Variants in RBFOX1 observed in about 807,000 individuals in gnomAD.
The protein encoded by RBFOX1 is RNA binding fox-1 homolog 1.
RBFOX1 carries 8 observed loss-of-function variants against 57.7 expected under a neutral mutation model. That is an observed-to-expected ratio of 0.14 (90% CI 0.08 to 0.25). The LOEUF is 0.25. Ranked by LOEUF, RBFOX1 falls within the 10% of genes least tolerant of loss-of-function variation. The pLI is 1.00. For missense variants in RBFOX1, 611 were observed against 548.5 expected (o/e 1.11, Z -1.14); for synonymous variants, 326 against 222.4 (o/e 1.47, Z -4.15).
At chr16:5,885,371 A>G (rs1371580582) in intron 4 of RBFOX1, among the ~76,000 whole-genome samples, 1 of 152,002 alleles carries the variant, frequency 6.6e-6, no homozygotes, top group African/African-American at 2.4e-5. Context: ...CCCTTAAATC[A>G]TCCAATCTGC....
At chr16:5,875,843 C>A (rs922411393) in intron 4 of RBFOX1, among the ~76,000 whole-genome samples, 11 of 148,798 alleles carry the variant, frequency 7.4e-5, no homozygotes, top group Middle Eastern at 3.5e-3. Context: ...TAGAAGAATC[C>A]CACTTTTTTT....
chr16:7,539,118 G>A (rs6500980), intron 5 of RBFOX1, among the ~76,000 whole-genome samples: 143,765 of 152,228 alleles, frequency 0.94, 68,190 homozygotes, highest in Middle Eastern at 0.98. Context: ...AAGGAGAGGG[G>A]AAAAGACTCC....
chr16:7,224,740 G>C (rs1187461506), intron 4 of RBFOX1, among the ~76,000 whole-genome samples: 2 of 152,172 alleles, frequency 1.3e-5, no homozygotes, highest in Non-Finnish European at 2.9e-5. Context: ...GTCATTTTAT[G>C]GTTCTCCTGA....
At position 5,920,911 on chromosome 16, in the gene RBFOX1, C is replaced by T. The variant is rs763808877; in HGVS notation, c.351+53576C>T. Among the ~76,000 whole-genome samples the T allele has an allele frequency of 2.6e-4, 25 of 95,510 alleles. No individual in the cohort carries two copies. The Middle Eastern group carries it at 0.013, about 51-fold the overall frequency. The allele number at this position is 95,510 out of a possible 152,430, so 62.7% of individuals were successfully genotyped here. ...TGCCCAATGGAGTTGTCTATTTGTA[C>T]GTGCAGTGGTGGGATGTGAACATGT... On this transcript the variant is annotated intron_variant, in intron 4 of 19. Transcript: ENST00000641259.
intron 1 of RBFOX1, among the ~76,000 whole-genome samples, chr16:5,367,099 C>T (rs767906896): frequency 1.9e-4 from 27 of 145,902 alleles, no homozygotes; most frequent in Non-Finnish European, 3.1e-4. Context: ...GTCAGAAATG[C>T]ATTTTAATTT....
rs140593372 is a variant in RBFOX1 at position 7,106,025 on chromosome 16, C to G, written c.27+53927C>G. Among the ~76,000 whole-genome samples, 296 of 152,302 alleles carry G rather than the reference C, an allele frequency of 1.9e-3. 1 individual carries two copies. Among genetic ancestry groups the G allele is most frequent in the African/African-American group, 6.4e-3 (268 of 41,564 alleles). On this transcript the variant is annotated intron_variant, in intron 4 of 15. Coordinates refer to ENST00000550418, the MANE Select transcript of RBFOX1 (RefSeq NM_018723.4). ...GGAGGATTTCTTACAGCACAACTCTCTGGTGTTCATGGGACTGACAGTTCT... is the reference window on the plus strand; with the variant it reads ...GGAGGATTTCTTACAGCACAACTCTGTGGTGTTCATGGGACTGACAGTTCT...
At chr16:6,579,105 T>C (rs1218469316) in intron 2 of RBFOX1, among the ~76,000 whole-genome samples, 1 of 152,232 alleles carries the variant, frequency 6.6e-6, no homozygotes, top group Non-Finnish European at 1.5e-5. Context: ...GAAATGATGT[T>C]ATGTTTTCTT....
At chr16:6,771,416 ATACACTTCTGCTCCTGTCTGCAT>A (rs1468535132) in intron 3 of RBFOX1, among the ~76,000 whole-genome samples, 8 of 152,116 alleles carry the variant, frequency 5.3e-5, no homozygotes, top group African/African-American at 1.9e-4. Context: ...TGGCAAGCTA[ATACACTTCTGCTCCTGTCTGCAT>A]TGGTGTCTTC....
chr16:6,409,272 G>C lies in RBFOX1; in HGVS notation c.-64+92215G>C, dbSNP rs191022722. On this transcript the variant is annotated intron_variant, in intron 2 of 15. Coordinates refer to ENST00000550418, the MANE Select transcript of RBFOX1 (RefSeq NM_018723.4). ...CTACTAAAAATACAAAAATTAGCTG[G>C]GCATGGTGGTGCGCACCGGTAATCC... is the stretch of plus-strand genomic sequence containing the variant. Among the ~76,000 whole-genome samples the C allele has an allele frequency of 4.5e-3, 687 of 152,194 alleles. 4 individuals are homozygous for C. The highest frequency in any genetic ancestry group is 8.0e-3 in the Non-Finnish European group (544 of 68,018).
At chr16:7,682,545 G>GTT (rs113114330) in intron 14 of RBFOX1, among the ~76,000 whole-genome samples, 7 of 136,610 alleles carry the variant, frequency 5.1e-5, no homozygotes, top group African/African-American at 1.3e-4. Flanking sequence ...CTTGGTTTTA[G>GTT]TTTTTTTTTT....
At chr16:7,084,304 C>T (rs546219036) in intron 4 of RBFOX1, among the ~76,000 whole-genome samples, 11 of 151,706 alleles carry the variant, frequency 7.3e-5, no homozygotes, top group African/African-American at 2.2e-4. Context: ...TACATATATA[C>T]ACACACACTT....
chr16:5,966,481 A>G (rs2059845711), intron 4 of RBFOX1, among the ~76,000 whole-genome samples: 1 of 152,144 alleles, frequency 6.6e-6, no homozygotes, highest in African/African-American at 2.4e-5. Context: ...GTTTTGAGGT[A>G]GAGTCTTACT....
At chr16:6,516,343 A>C (rs868507692) in intron 2 of RBFOX1, among the ~76,000 whole-genome samples, 20 of 152,210 alleles carry the variant, frequency 1.3e-4, no homozygotes, top group African/African-American at 4.8e-4. Flanking sequence ...TCTAATCCTC[A>C]GTTTCTTCAT....
At chr16:5,467,260 T>G in intron 2 of RBFOX1, 1 of 1,492,154 alleles carries the variant, frequency 6.7e-7, no homozygotes, top group Non-Finnish European at 9.0e-7. Context: ...GTCAGGTAAG[T>G]GCTCATTTTG....
At chr16:7,022,103 C>T (rs982589330) in intron 3 of RBFOX1, among the ~76,000 whole-genome samples, 2 of 141,092 alleles carry the variant, frequency 1.4e-5, no homozygotes, top group African/African-American at 2.7e-5. Context: ...CACTGTGTCA[C>T]CCAGATTGGA....
At chr16:5,989,223 C>G (rs1018780307) in intron 4 of RBFOX1, among the ~76,000 whole-genome samples, 1 of 151,076 alleles carries the variant, frequency 6.6e-6, no homozygotes, top group East Asian at 2.0e-4. Context: ...CCCAGCTGCT[C>G]GGGAGGCTGA....
At chr16:7,186,601 TAAATATAAGCATAA>T (rs1269556478) in intron 4 of RBFOX1, among the ~76,000 whole-genome samples, 24 of 141,770 alleles carry the variant, frequency 1.7e-4, no homozygotes, top group African/African-American at 6.2e-4. Context: ...CATATTTATA[TAAATATAAGCATAA>T]ACATATTTAT....
intron 4 of RBFOX1, among the ~76,000 whole-genome samples, chr16:7,147,324 C>CA (rs2075216842): frequency 6.8e-6 from 1 of 147,682 alleles, no homozygotes; most frequent in Non-Finnish European, 1.5e-5. Context: ...ATTTTTTTTT[C>CA]AACTTTTATT....
intron 11 of RBFOX1, among the ~76,000 whole-genome samples, chr16:7,638,317 T>A (rs180901588): frequency 6.6e-6 from 1 of 152,184 alleles, no homozygotes; most frequent in African/African-American, 2.4e-5. Context: ...AGGAGGAAAT[T>A]TAGGCTTGGG....
Sources: gnomAD v4.1 joint callset for allele counts (sites outside exome capture counted in the v4.1 genomes callset) on GRCh38, gnomAD v4.1.1 for gene constraint, MANE v1.5 for transcripts, NCBI Gene and HGNC (gene_info 2026-07-23, HGNC 2026-07-21) for gene names.